The following ITPR1 variants were observed in gnomAD, a reference collection of about 807,000 sequenced individuals.
ITPR1 encodes inositol 1,4,5-trisphosphate-gated calcium channel ITPR1.
In ITPR1, 96 loss-of-function variants were observed where a neutral mutation model predicts 318.4. The observed-to-expected ratio is 0.30, with a 90% CI of 0.26 to 0.36. The LOEUF (loss-of-function observed/expected upper bound fraction) is 0.36, where lower values mean the gene tolerates loss of function less well. Among genes scored for constraint, ITPR1 ranks in the 10% least tolerant of loss-of-function variants. The pLI is 1.00. For synonymous variants in ITPR1, 1,312 were observed against 1,289.9 expected (o/e 1.02, Z -0.37); for missense variants, 2,440 against 3,460.2 (o/e 0.71, Z 7.40).
At chr3:4,652,278 C>T in intron 11 of ITPR1, 60 bp downstream of exon 11, 1 of 1,187,232 alleles carries the variant, frequency 8.4e-7, no homozygotes, top group African/African-American at 1.5e-5. Context: ...CGCCTTTCCT[C>T]ATTCGCCTGT....
intron 40 of ITPR1, among the ~76,000 whole-genome samples, chr3:4,725,183 A>G (rs1318687515): frequency 1.3e-5 from 2 of 150,596 alleles, no homozygotes; most frequent in Non-Finnish European, 3.0e-5. Flanking sequence ...CACGCATACT[A>G]TTGCTTTCCT....
chr3:4,797,966 A>G lies in ITPR1; in HGVS notation c.6932-2459A>G, dbSNP rs555480279. ...GCCTGCCCAAATTCAGATTTCTCCA[A>G]CTGTCTCAAAGATGTCTTTCTAGAG... On this transcript the variant is annotated intron_variant, in intron 53 of 61. Transcript: ENST00000649015. 1.7e-4 allele frequency among the ~76,000 whole-genome samples: 26 copies of G among 152,332 alleles called. 1 individual carries two copies. The highest frequency in any genetic ancestry group is 9.1e-4 in the Admixed American group (14 of 15,302).
rs6766061 is a variant in ITPR1 at position 4,532,947 on chromosome 3, G to T, written c.163+11853G>T. Among the ~76,000 whole-genome samples, 1,021 of 152,200 alleles carry T rather than the reference G, an allele frequency of 6.7e-3. 16 individuals are homozygous for T. Among genetic ancestry groups the T allele is most frequent in the African/African-American group, 0.023 (969 of 41,508 alleles). ...ATTCAAAGAGGGCTGACCATCTGTC[G>T]GGGATTTTGCAGAGGGAATTTCTGC... is the stretch of plus-strand genomic sequence containing the variant. On this transcript the variant is annotated intron_variant, in intron 4 of 61. Coordinates refer to ENST00000649015, the MANE Select transcript of ITPR1 (RefSeq NM_001378452.1).
chr3:4,659,745 A>G lies in ITPR1; in HGVS notation c.1152-1243A>G, dbSNP rs74623666. Among the ~76,000 whole-genome samples the G allele has an allele frequency of 6.7e-3, 1,018 of 152,260 alleles. 4 individuals carry two copies. The highest frequency in any genetic ancestry group is 0.017 in the Middle Eastern group (5 of 294). ...ATTGTAATCATCTTTAAATAACAGT[A>G]GTATCAACTAGTTAATATTGTATTA... On this transcript the variant is annotated intron_variant, in intron 13 of 61. Transcript: ENST00000649015.
intron 32 of ITPR1, among the ~76,000 whole-genome samples, chr3:4,692,302 GT>G (rs1362796826): frequency 7.9e-5 from 12 of 152,188 alleles, no homozygotes; most frequent in African/African-American, 2.9e-4. Flanking sequence ...ACTTTAAAGA[GT>G]TGATATGTGG....
Position 4,680,575 on chromosome 3 carries a change from A to G in ITPR1, c.2990A>G (p.Asp997Gly). 6.2e-7 allele frequency: 1 copy of G among 1,613,264 alleles called. No individual in the cohort carries two copies. ...ILQFILNVRL[D>G]YRISCLLCIF... Reference sequence around the variant, plus strand: ...TAGTTTATTTTGAATGTGAGGTTGGATTATAGGATCTCCTGCCTCCTGTGT... The same window carrying G: ...TAGTTTATTTTGAATGTGAGGTTGGGTTATAGGATCTCCTGCCTCCTGTGT... Residue 997 changes from aspartate to glycine, a missense_variant, in exon 25 of 62, where the codon GAT (aspartate) becomes GGT (glycine). Coordinates refer to ENST00000649015, the MANE Select transcript of ITPR1 (RefSeq NM_001378452.1).
chr3:4,510,821 G>A (rs1014494678), intron 2 of ITPR1, among the ~76,000 whole-genome samples: 1 of 152,208 alleles, frequency 6.6e-6, no homozygotes. Context: ...TGGTGGAAAT[G>A]GTAGTTGAAT....
chr3:4,835,727 G>C (rs1022494179), intron 60 of ITPR1, among the ~76,000 whole-genome samples: 2 of 152,124 alleles, frequency 1.3e-5, no homozygotes, highest in African/African-American at 4.8e-5. Context: ...GTTCATTCCT[G>C]CCTCTCTGTA....
chr3:4,573,038 G>A (rs556824367), intron 4 of ITPR1, among the ~76,000 whole-genome samples: 1 of 152,246 alleles, frequency 6.6e-6, no homozygotes, highest in Admixed American at 6.5e-5. Flanking sequence ...TGGGATTAGT[G>A]CTGCTATGAC....
intron 5 of ITPR1, among the ~76,000 whole-genome samples, chr3:4,636,003 G>T (rs1354020465): frequency 6.6e-6 from 1 of 152,020 alleles, no homozygotes; most frequent in Non-Finnish European, 1.5e-5. Context: ...TGGGATTAGA[G>T]GCATTCGCCA....
In ITPR1 at chr3:4,693,582, G is replaced by A; in HGVS notation, c.4122G>A (p.Arg1374=). The A allele has an allele frequency of 1.9e-6, 3 of 1,614,052 alleles. No homozygotes were observed. The highest frequency in any genetic ancestry group is 2.5e-6 in the Non-Finnish European group (3 of 1,179,896). ...LIQMMRSERD[R]MDENSPLMYH... ...AGATGATGCGGTCAGAACGGGATCGGATGGATGAGAACAGCCCTCTCATGT... is the reference window on the plus strand; with the variant it reads ...AGATGATGCGGTCAGAACGGGATCGAATGGATGAGAACAGCCCTCTCATGT... Residue 1374 remains arginine (R), a synonymous_variant, in exon 33 of 62, where the codon CGG becomes CGA. Transcript: ENST00000649015.
intron 44 of ITPR1, among the ~76,000 whole-genome samples, chr3:4,738,364 T>C (rs1184477902): frequency 6.6e-6 from 1 of 152,046 alleles, no homozygotes; most frequent in African/African-American, 2.4e-5. Context: ...GGGGTGGGGG[T>C]GAGGGACAGG....
chr3:4,494,333 G>A (rs1234967982), intron 1 of ITPR1, 98 bp from the exon 2 acceptor site: 2 of 152,320 alleles, frequency 1.3e-5, no homozygotes, highest in Non-Finnish European at 2.9e-5. Context: ...CCCAGTGAAG[G>A]AGGCTAAAGA....
chr3:4,740,099 GA>G (rs2043590727), intron 44 of ITPR1, among the ~76,000 whole-genome samples: 1 of 152,176 alleles, frequency 6.6e-6, no homozygotes, highest in Non-Finnish European at 1.5e-5. Context: ...AAGGCGGGGA[GA>G]AAAACTCCAC....
At chr3:4,555,756 T>G (rs1409226908) in intron 4 of ITPR1, among the ~76,000 whole-genome samples, 3 of 152,196 alleles carry the variant, frequency 2.0e-5, no homozygotes, top group Non-Finnish European at 4.4e-5. Flanking sequence ...ATACTACAAT[T>G]TACTTAAAAA....
chr3:4,621,296 G>A (rs568354694), intron 4 of ITPR1, among the ~76,000 whole-genome samples: 120 of 152,130 alleles, frequency 7.9e-4, no homozygotes, highest in Non-Finnish European at 1.4e-3. Context: ...GGTGAAGGGG[G>A]AAGAGGCACA....
intron 4 of ITPR1, among the ~76,000 whole-genome samples, chr3:4,540,367 T>G (rs1248927048): frequency 6.6e-6 from 1 of 152,236 alleles, no homozygotes; most frequent in Admixed American, 6.5e-5. Context: ...TTAAATTCTC[T>G]GTCATTATAT....
Position 4,813,123 on chromosome 3 carries a change from A to G in ITPR1, c.7469-19A>G. ...ATGCTGCCAGATTGTTCATCATAAA[A>G]TTTCCTTCTCTCTCCCAGAAACCGG... On this transcript the variant is annotated intron_variant, in intron 56 of 61. Transcript: ENST00000649015. 1 of 1,603,786 alleles carries G rather than the reference A, an allele frequency of 6.2e-7. No individual in the cohort carries two copies. The highest frequency in any genetic ancestry group is 8.5e-7 in the Non-Finnish European group (1 of 1,170,600).
At chr3:4,844,017 G>T (rs2051567661) in intron 61 of ITPR1, among the ~76,000 whole-genome samples, 2 of 151,920 alleles carry the variant, frequency 1.3e-5, no homozygotes, top group Admixed American at 1.3e-4. Flanking sequence ...GGGGAAAAAA[G>T]TCTTAATGGC....
Sources: allele counts gnomAD v4.1 joint callset (sites outside exome capture counted in the v4.1 genomes callset), GRCh38; gene constraint gnomAD v4.1.1; transcripts MANE v1.5; gene names NCBI Gene and HGNC (gene_info 2026-07-23, HGNC 2026-07-21).